Variants in PIAS1 observed in about 807,000 individuals in gnomAD.
PIAS1 encodes E3 SUMO-protein ligase PIAS1.
A neutral mutation model predicts 71.3 loss-of-function variants in PIAS1; 6 were observed. That is an observed-to-expected ratio of 0.08 (90% confidence interval 0.05 to 0.17). PIAS1 has a LOEUF of 0.17. PIAS1 is among the 10% of genes least tolerant of loss of function. PIAS1 has a pLI of 1.00. For synonymous variants in PIAS1, 303 were observed against 292.9 expected (o/e 1.03, Z -0.35); for missense variants, 555 against 793.6 (o/e 0.70, Z 3.61).
intron 4 of PIAS1, among the ~76,000 whole-genome samples, chr15:68,145,256 TA>T (rs1181671309): frequency 2.6e-5 from 4 of 152,156 alleles, no homozygotes; most frequent in African/African-American, 7.2e-5. Context: ...TCTCAAAAAA[TA>T]AGGAGTACTT....
intron 7 of PIAS1, 84 bp downstream of exon 7, chr15:68,153,779 A>G (rs2092866624): frequency 1.4e-6 from 1 of 715,082 alleles, no homozygotes; most frequent in Admixed American, 2.3e-5. Context: ...AAATTTTAGA[A>G]TTTGTTTATT....
chr15:68,054,387 C>G lies in PIAS1; in HGVS notation c.24+37C>G, dbSNP rs951443919. ...CTCGAATTCACTTCTAATATTCGGC[C>G]GCGGAGACGGCGCCGCTGCTGCCAG... On this transcript the variant is annotated intron_variant, in intron 1 of 13. Coordinates refer to ENST00000249636, the MANE Select transcript of PIAS1 (RefSeq NM_016166.3). This position sits in a 1 kb window ranked among gnomAD's most constrained non-coding sequence, Gnocchi z 4.6. 1 of 1,554,974 alleles carries G rather than the reference C, an allele frequency of 6.4e-7. No individual in the cohort carries two copies. The highest frequency in any genetic ancestry group is 8.7e-7 in the Non-Finnish European group (1 of 1,149,082).
rs2092587098 is a variant in PIAS1 at position 68,118,727 on chromosome 15, T to A, written c.470-23219T>A. 5.9e-5 allele frequency among the ~76,000 whole-genome samples: 9 copies of A among 152,200 alleles called. No homozygotes were observed. In the South Asian group the frequency reaches 1.9e-3, roughly 32 times the overall value. On this transcript the variant is annotated intron_variant, in intron 2 of 13. Coordinates refer to ENST00000249636, the MANE Select transcript of PIAS1 (RefSeq NM_016166.3). ...TGATTGATTTGCATTTCCCTTATTA[T>A]TAGTGATGTTGAACATTTTTTCATA...
Position 68,185,854 on chromosome 15 carries a change from C to T in PIAS1, c.1663-1688C>T, listed in dbSNP as rs1048348318. 2.6e-5 allele frequency among the ~76,000 whole-genome samples: 4 copies of T among 151,952 alleles called. No individual in the cohort carries two copies. Among genetic ancestry groups the T allele is most frequent in the East Asian group, 1.9e-4 (1 of 5,170 alleles). ...CTACACGCCTGTAATCCCAGCTACT[C>T]GGGAGGCTGAGGCAGAAGAATCACT... On this transcript the variant is annotated intron_variant, in intron 13 of 13. Transcript: ENST00000249636. The surrounding 1 kb of genome is among the most constrained non-coding windows in gnomAD (Gnocchi z 4.4).
At chr15:68,070,885 C>T (rs1267544203) in intron 1 of PIAS1, among the ~76,000 whole-genome samples, 3 of 152,088 alleles carry the variant, frequency 2.0e-5, no homozygotes, top group Non-Finnish European at 4.4e-5. Context: ...CCTCTGAAAG[C>T]GTTGGGATTA....
Position 68,190,952 on chromosome 15 carries a change from T to A in PIAS1, c.*3117T>A, listed in dbSNP as rs1239957223. ...AAGTGTCTGAAATGGAGTGAAAATA[T>A]ATCCTAACTAAATTAATGTGGAAAG... On this transcript the variant is annotated 3_prime_UTR_variant, in exon 14 of 14. Coordinates refer to ENST00000249636, the MANE Select transcript of PIAS1 (RefSeq NM_016166.3). This position sits in a 1 kb window ranked among gnomAD's most constrained non-coding sequence, Gnocchi z 4.7. 1.3e-5 allele frequency: 2 copies of A among 152,232 alleles called. No individual in the cohort carries two copies. The highest frequency in any genetic ancestry group is 4.8e-5 in the African/African-American group (2 of 41,456). 9.4% of individuals were successfully genotyped at this position (152,232 alleles called of 1,614,324 possible).
At chr15:68,080,121 T>C (rs1174757013) in intron 1 of PIAS1, among the ~76,000 whole-genome samples, 4 of 152,184 alleles carry the variant, frequency 2.6e-5, no homozygotes, top group Non-Finnish European at 5.9e-5. Flanking sequence ...CCTGAGCCAC[T>C]GCGCCTGGCT....
chr15:68,153,349 G>T (rs1459943529), intron 6 of PIAS1, among the ~76,000 whole-genome samples: 1 of 152,054 alleles, frequency 6.6e-6, no homozygotes, highest in East Asian at 1.9e-4. Context: ...CAAAATTAGG[G>T]CAAGTTCTTT....
intron 2 of PIAS1, among the ~76,000 whole-genome samples, chr15:68,126,751 A>G (rs957750613): frequency 6.6e-6 from 1 of 151,670 alleles, no homozygotes; most frequent in Non-Finnish European, 1.5e-5. Flanking sequence ...TAGTTGTACC[A>G]TGGTTATAAA....
intron 2 of PIAS1, among the ~76,000 whole-genome samples, chr15:68,104,469 C>T (rs1001389679): frequency 1.3e-4 from 20 of 152,208 alleles, no homozygotes; most frequent in African/African-American, 4.8e-4. Context: ...CTGTGTCTTG[C>T]CTCTTCTCCT....
chr15:68,084,073 T>C (rs1285085894), intron 1 of PIAS1, among the ~76,000 whole-genome samples: 1 of 152,132 alleles, frequency 6.6e-6, no homozygotes, highest in Non-Finnish European at 1.5e-5. Flanking sequence ...TGTCAACATA[T>C]TCTTCTACAA....
intron 1 of PIAS1, among the ~76,000 whole-genome samples, chr15:68,077,256 A>G (rs1218899748): frequency 1.3e-5 from 2 of 152,218 alleles, no homozygotes; most frequent in African/African-American, 4.8e-5. Context: ...TTATATTGGT[A>G]AAAATACCAT....
At chr15:68,166,979 C>T (rs2141081244) in intron 8 of PIAS1, among the ~76,000 whole-genome samples, 1 of 152,286 alleles carries the variant, frequency 6.6e-6, no homozygotes, top group Admixed American at 6.5e-5. Context: ...GCATGTGCCA[C>T]CACACCCGGC....
At chr15:68,158,970 C>T (rs1440616818) in intron 7 of PIAS1, among the ~76,000 whole-genome samples, 1 of 152,154 alleles carries the variant, frequency 6.6e-6, no homozygotes, top group Non-Finnish European at 1.5e-5. Context: ...AATTTAAATA[C>T]AGCGTCATGT....
chr15:68,097,830 C>T (rs1035371726), intron 2 of PIAS1, among the ~76,000 whole-genome samples: 1 of 152,152 alleles, frequency 6.6e-6, no homozygotes, highest in African/African-American at 2.4e-5. Flanking sequence ...ACACTGATTG[C>T]TTTTCATATA....
In PIAS1 at chr15:68,171,568, T is replaced by C. The variant is rs1423415478; in HGVS notation, c.1009-2164T>C. ...GTTTTTACTCTAGGTCCCTCCAGGTTATACTTCTGATACTGTAAACTGGCA... is the reference window on the plus strand; with the variant it reads ...GTTTTTACTCTAGGTCCCTCCAGGTCATACTTCTGATACTGTAAACTGGCA... On this transcript the variant is annotated intron_variant, in intron 8 of 13. Transcript: ENST00000249636. This position sits in a 1 kb window ranked among gnomAD's most constrained non-coding sequence, Gnocchi z 4.4. 1.3e-5 allele frequency among the ~76,000 whole-genome samples: 2 copies of C among 152,210 alleles called. No homozygotes were observed. Among genetic ancestry groups the C allele is most frequent in the Non-Finnish European group, 2.9e-5 (2 of 68,038 alleles).
At chr15:68,179,979 C>G (rs1376873515) in intron 11 of PIAS1, among the ~76,000 whole-genome samples, 1 of 152,148 alleles carries the variant, frequency 6.6e-6, no homozygotes, top group African/African-American at 2.4e-5. Context: ...TGCTTCCTTT[C>G]TCTTTATTTT....
chr15:68,107,632 G>T (rs531112543), intron 2 of PIAS1, among the ~76,000 whole-genome samples: 2 of 152,058 alleles, frequency 1.3e-5, no homozygotes, highest in Admixed American at 6.5e-5. Context: ...AAAAAGAAAT[G>T]ATTGTTTAGA....
At chr15:68,096,621 A>G (rs1212855500) in intron 2 of PIAS1, among the ~76,000 whole-genome samples, 1 of 151,856 alleles carries the variant, frequency 6.6e-6, no homozygotes, top group Non-Finnish European at 1.5e-5. Context: ...TTCAGTGTAC[A>G]TGTCTTTTGC....
Sources: allele counts gnomAD v4.1 joint callset (sites outside exome capture counted in the v4.1 genomes callset), GRCh38; gene constraint gnomAD v4.1.1; non-coding constraint Gnocchi (gnomAD v3.1); transcripts MANE v1.5; gene names NCBI Gene and HGNC (gene_info 2026-07-23, HGNC 2026-07-21).